Variants in KCTD16 observed in about 807,000 individuals in gnomAD.
KCTD16 encodes the protein potassium channel tetramerization domain containing 16, also known as BTB/POZ domain-containing protein KCTD16.
In KCTD16, 13 loss-of-function variants were observed where a neutral mutation model predicts 33.2. That is an observed-to-expected ratio of 0.39 (90% CI 0.25 to 0.62). The LOEUF (loss-of-function observed/expected upper bound fraction) is 0.62, where lower values mean the gene tolerates loss of function less well. Among genes scored for constraint, KCTD16 ranks in the 20% least tolerant of loss-of-function variants. The pLI is 0.50. For missense variants in KCTD16, 441 were observed against 525.1 expected (o/e 0.84, Z 1.57); for synonymous variants, 197 against 195.3 (o/e 1.01, Z -0.07).
intron 3 of KCTD16, among the ~76,000 whole-genome samples, chr5:144,351,134 A>C (rs967298453): frequency 1.1e-4 from 16 of 152,150 alleles, no homozygotes; most frequent in African/African-American, 3.9e-4. Context: ...TCCCTTCAAA[A>C]TGTTTTATGG....
chr5:144,372,994 A>G (rs1484592908), intron 3 of KCTD16, among the ~76,000 whole-genome samples: 1 of 152,156 alleles, frequency 6.6e-6, no homozygotes, highest in Admixed American at 6.5e-5. Context: ...TAAACTTACT[A>G]ATAATGGGAA....
rs115447423 is a variant in KCTD16, at chr5:144,306,739, C to G, written c.832+99193C>G. Among the ~76,000 whole-genome samples, 284 of 152,320 alleles carry G rather than the reference C, an allele frequency of 1.9e-3. 2 individuals are homozygous for G. Among genetic ancestry groups the G allele is most frequent in the African/African-American group, 6.7e-3 (278 of 41,570 alleles). The stretch of plus-strand genomic sequence containing the variant: ...TGTGAGTGTTAGCAAATCTTACCTG[C>G]TAACTCTACCACCCCTCAGGATCTC... On this transcript the variant is annotated intron_variant, in intron 3 of 3. Coordinates refer to ENST00000512467, the MANE Select transcript of KCTD16 (RefSeq NM_020768.4).
At chr5:144,468,616 A>G (rs144850909) in intron 3 of KCTD16, among the ~76,000 whole-genome samples, 67 of 152,348 alleles carry the variant, frequency 4.4e-4, no homozygotes, top group Non-Finnish European at 9.1e-4. Flanking sequence ...GCAGAATTAT[A>G]AAAACATCAA....
At position 144,485,255 on chromosome 5, in the gene KCTD16, A is replaced by G. The variant is rs1464269841; in HGVS notation, c.*11141A>G. The G allele has an allele frequency of 1.3e-5, 2 of 151,938 alleles. No individual in the cohort carries two copies. Among genetic ancestry groups the G allele is most frequent in the African/African-American group, 4.8e-5 (2 of 41,422 alleles). 9.4% of individuals were successfully genotyped at this position (151,938 alleles called of 1,614,324 possible). ...CATTTTGGCAATCATTGGTTCACTC[A>G]GAAGGCAACCGCCTATAGATGGAAC... On this transcript the variant is annotated 3_prime_UTR_variant, in exon 4 of 4. Transcript: ENST00000512467.
intron 3 of KCTD16, among the ~76,000 whole-genome samples, chr5:144,405,103 T>G (rs1200001501): frequency 6.6e-6 from 1 of 152,208 alleles, no homozygotes; most frequent in African/African-American, 2.4e-5. Context: ...AGACTGAACT[T>G]AAGTAATTTG....
At chr5:144,213,593 C>G (rs1478148314) in intron 3 of KCTD16, among the ~76,000 whole-genome samples, 1 of 152,108 alleles carries the variant, frequency 6.6e-6, no homozygotes, top group East Asian at 1.9e-4. Context: ...GATCTAGACT[C>G]CAGATTTTAG....
At chr5:144,253,161 A>G (rs978100056) in intron 3 of KCTD16, among the ~76,000 whole-genome samples, 2 of 152,220 alleles carry the variant, frequency 1.3e-5, no homozygotes, top group African/African-American at 4.8e-5. Flanking sequence ...ATTTATCCCC[A>G]GGCCAACATG....
intron 3 of KCTD16, among the ~76,000 whole-genome samples, chr5:144,235,307 G>A (rs1398229801): frequency 6.6e-6 from 1 of 152,078 alleles, no homozygotes; most frequent in Non-Finnish European, 1.5e-5. Flanking sequence ...CCCAAGGGGT[G>A]TGGCTTCCTT....
chr5:144,311,016 C>T (rs1303271232), intron 3 of KCTD16, among the ~76,000 whole-genome samples: 2 of 152,210 alleles, frequency 1.3e-5, no homozygotes, highest in Admixed American at 6.5e-5. Context: ...TTTCCTAATG[C>T]CCATTGAAGT....
In KCTD16 at chr5:144,418,864, A is replaced by G. The variant is rs1457995657; in HGVS notation, c.833-54796A>G. ...CACAGAATCATTACTCCAGTGTACC[A>G]TGAGAAGTATTATGAGGTCAAGTTA... On this transcript the variant is annotated intron_variant, in intron 3 of 3. Transcript: ENST00000512467. Among the ~76,000 whole-genome samples, 5 of 152,178 alleles carry G rather than the reference A, an allele frequency of 3.3e-5. No homozygotes were observed. The East Asian group carries it at 5.8e-4, about 18-fold the overall frequency.
intron 3 of KCTD16, among the ~76,000 whole-genome samples, chr5:144,238,932 T>A (rs1002650950): frequency 1.3e-5 from 2 of 152,022 alleles, no homozygotes; most frequent in Admixed American, 6.6e-5. Flanking sequence ...GACAAACAAG[T>A]TGGTGGATGA....
At chr5:144,321,663 GTGTTAATTA>G (rs1752078054) in intron 3 of KCTD16, among the ~76,000 whole-genome samples, 1 of 152,144 alleles carries the variant, frequency 6.6e-6, no homozygotes, top group Admixed American at 6.6e-5. Flanking sequence ...TAGATAAGAT[GTGTTAATTA>G]CCCTGATGGC....
chr5:144,353,847 G>A (rs1002819164), intron 3 of KCTD16, among the ~76,000 whole-genome samples: 2 of 151,854 alleles, frequency 1.3e-5, no homozygotes, highest in Non-Finnish European at 1.5e-5. Flanking sequence ...GCAAAAAGGG[G>A]TTTAAAACTT....
At chr5:144,422,167 G>A (rs1753227024) in intron 3 of KCTD16, among the ~76,000 whole-genome samples, 1 of 152,170 alleles carries the variant, frequency 6.6e-6, no homozygotes, top group South Asian at 2.1e-4. Flanking sequence ...GGGCTGCTTA[G>A]TATGTAAAAC....
intron 3 of KCTD16, among the ~76,000 whole-genome samples, chr5:144,284,361 G>A (rs1223214339): frequency 6.6e-6 from 1 of 152,178 alleles, no homozygotes; most frequent in Non-Finnish European, 1.5e-5. Flanking sequence ...CCACTATGTA[G>A]GCAATGTTGA....
chr5:144,346,650 G>A (rs924206983), intron 3 of KCTD16, among the ~76,000 whole-genome samples: 10 of 152,062 alleles, frequency 6.6e-5, no homozygotes, highest in Non-Finnish European at 1.3e-4. Flanking sequence ...CCATTTTTAT[G>A]TCTTCTTTTG....
In KCTD16 at chr5:144,225,959, A is replaced by G. The variant is rs147409228; in HGVS notation, c.832+18413A>G. Among the ~76,000 whole-genome samples, 5 of 152,358 alleles carry G rather than the reference A, an allele frequency of 3.3e-5. No individual in the cohort carries two copies. In the East Asian group the frequency reaches 9.6e-4, roughly 29 times the overall value. On this transcript the variant is annotated intron_variant, in intron 3 of 3. Coordinates refer to ENST00000512467, the MANE Select transcript of KCTD16 (RefSeq NM_020768.4). ...AACTAGAAAGAAAAACTTATTCTTTATTTAAAAACCAATTGCCTTTCTCAA... is the reference window on the plus strand; with the variant it reads ...AACTAGAAAGAAAAACTTATTCTTTGTTTAAAAACCAATTGCCTTTCTCAA...
intron 3 of KCTD16, among the ~76,000 whole-genome samples, chr5:144,424,400 G>T (rs1753277463): frequency 6.6e-6 from 1 of 152,152 alleles, no homozygotes; most frequent in South Asian, 2.1e-4. Context: ...GCTCATTCAT[G>T]TTCTTCTGCA....
chr5:144,347,966 G>C (rs750185826), intron 3 of KCTD16, among the ~76,000 whole-genome samples: 1 of 152,196 alleles, frequency 6.6e-6, no homozygotes, highest in Non-Finnish European at 1.5e-5. Flanking sequence ...CATTCTTTTA[G>C]TTTCTCATAC....
Sources: gnomAD v4.1 joint callset for allele counts (sites outside exome capture counted in the v4.1 genomes callset) on GRCh38, gnomAD v4.1.1 for gene constraint, MANE v1.5 for transcripts, NCBI Gene and HGNC (gene_info 2026-07-23, HGNC 2026-07-21) for gene names.